The following EYS variants were observed in gnomAD, a reference collection of about 807,000 sequenced individuals.
EYS encodes protein eyes shut homolog.
In EYS, 250 loss-of-function variants were observed where a neutral mutation model predicts 282.1. The ratio of observed to expected loss-of-function variants is 0.89; its 90% confidence interval spans 0.80 to 0.98. The LOEUF is 0.98. Ranked by LOEUF, EYS falls within the 50% of genes least tolerant of loss-of-function variation. EYS has a pLI of 0.00. For synonymous variants in EYS, 1,355 were observed against 1,282.9 expected (o/e 1.06, Z -1.20); for missense variants, 4,016 against 3,709.0 (o/e 1.08, Z -2.15).
At chr6:65,329,433 C>T in intron 11 of EYS, 2 of 938,522 alleles carry the variant, frequency 2.1e-6, no homozygotes, top group South Asian at 9.9e-5. Context: ...TTTTCTAGAG[C>T]ATAATAAAGA....
chr6:65,618,927 C>A (rs1343193067), intron 2 of EYS, among the ~76,000 whole-genome samples: 6 of 152,202 alleles, frequency 3.9e-5, no homozygotes, highest in Admixed American at 3.9e-4. Flanking sequence ...TGTTTTGGTA[C>A]CAGTACCATG....
At chr6:64,365,361 G>A (rs548992250) in intron 29 of EYS, among the ~76,000 whole-genome samples, 71 of 152,082 alleles carry the variant, frequency 4.7e-4, no homozygotes, top group Admixed American at 7.9e-4. Flanking sequence ...AGACTCAAGA[G>A]AGCTCTTAGA....
intron 30 of EYS, among the ~76,000 whole-genome samples, chr6:64,234,365 G>A (rs1766519458): frequency 6.6e-6 from 1 of 151,556 alleles, no homozygotes; most frequent in South Asian, 2.1e-4. Context: ...TCACCTAAAT[G>A]TAGTTTTTGG....
At chr6:63,861,957 C>T (rs950994238) in intron 36 of EYS, among the ~76,000 whole-genome samples, 3 of 152,194 alleles carry the variant, frequency 2.0e-5, no homozygotes, top group African/African-American at 7.2e-5. Flanking sequence ...TGAATGAAGA[C>T]ATTTATGCAC....
intron 29 of EYS, among the ~76,000 whole-genome samples, chr6:64,374,941 C>T (rs1472367521): frequency 6.6e-6 from 1 of 152,118 alleles, no homozygotes; most frequent in East Asian, 1.9e-4. Flanking sequence ...CATTTCATTC[C>T]TAAAAGATTC....
chr6:65,342,937 A>G (rs1770252547), intron 10 of EYS, among the ~76,000 whole-genome samples: 2 of 151,110 alleles, frequency 1.3e-5, no homozygotes, highest in Admixed American at 1.3e-4. Flanking sequence ...TATTAAGTGT[A>G]TTATAATATG....
chr6:64,615,387 C>T (rs1359725759), intron 24 of EYS, among the ~76,000 whole-genome samples: 1 of 151,942 alleles, frequency 6.6e-6, no homozygotes, highest in Admixed American at 6.6e-5. Context: ...ATGCATTTTC[C>T]ATACCTGTAT....
intron 12 of EYS, among the ~76,000 whole-genome samples, chr6:65,112,322 C>T (rs1466119439): frequency 1.3e-5 from 2 of 151,968 alleles, no homozygotes; most frequent in African/African-American, 4.8e-5. Context: ...TATATATGAC[C>T]TACCTTTATA....
intron 22 of EYS, among the ~76,000 whole-genome samples, chr6:64,732,794 C>T (rs188506770): frequency 1.6e-4 from 25 of 152,308 alleles, no homozygotes; most frequent in African/African-American, 6.0e-4. Context: ...CTACTTAACT[C>T]CAACTGATTG....
At position 64,591,596 on chromosome 6, in the gene EYS, G is replaced by A. The variant is rs762521982; in HGVS notation, c.4271C>T (p.Thr1424Met). Reference sequence around the variant, plus strand: ...TGGAATGCTTCTAATTACTGAAGTCGTTGGGGTAGCAGATAAAGCAACAGT... The same window carrying A: ...TGGAATGCTTCTAATTACTGAAGTCATTGGGGTAGCAGATAAAGCAACAGT... The part of the protein sequence containing the change: ...CQTVALSATP[T>M]TSVIRSIPGA... Residue 1424 changes from threonine (T) to methionine (M), a missense_variant, in exon 26 of 43, where the codon ACG becomes ATG. Thr to Met is a moderately conservative substitution (Grantham distance 81). Coordinates refer to ENST00000503581, the MANE Select transcript of EYS (RefSeq NM_001142800.2). 107 of 1,551,070 alleles carry A rather than the reference G, an allele frequency of 6.9e-5. No individual in the cohort carries two copies. The highest frequency in any genetic ancestry group is 8.6e-5 in the Non-Finnish European group (99 of 1,146,718).
At chr6:65,411,252 C>T (rs1767000462) in intron 5 of EYS, among the ~76,000 whole-genome samples, 1 of 152,030 alleles carries the variant, frequency 6.6e-6, no homozygotes, top group South Asian at 2.1e-4. Context: ...TTTTATTTGG[C>T]TTCTTCCAGA....
intron 2 of EYS, among the ~76,000 whole-genome samples, chr6:65,535,148 C>A (rs906228092): frequency 1.3e-5 from 2 of 152,066 alleles, no homozygotes; most frequent in Non-Finnish European, 2.9e-5. Flanking sequence ...CCCAGGATAG[C>A]TGATGTTTTA....
At chr6:63,863,197 G>A (rs1293784946) in intron 36 of EYS, among the ~76,000 whole-genome samples, 1 of 152,172 alleles carries the variant, frequency 6.6e-6, no homozygotes, top group East Asian at 1.9e-4. Flanking sequence ...TAATGATAAA[G>A]CAAGTCCAGT....
At chr6:65,278,117 C>T (rs1768107000) in intron 12 of EYS, among the ~76,000 whole-genome samples, 1 of 129,706 alleles carries the variant, frequency 7.7e-6, no homozygotes, top group Non-Finnish European at 1.7e-5. Context: ...AGCCTGTTGG[C>T]CTGTGGACTG....
intron 2 of EYS, among the ~76,000 whole-genome samples, chr6:65,548,746 T>C (rs1443367766): frequency 6.6e-6 from 1 of 152,178 alleles, no homozygotes; most frequent in Non-Finnish European, 1.5e-5. Context: ...ATTTGCTGAG[T>C]ATTAAACCCA....
chr6:64,050,474 G>T (rs1024791612), intron 33 of EYS, among the ~76,000 whole-genome samples: 7 of 152,138 alleles, frequency 4.6e-5, no homozygotes, highest in Non-Finnish European at 1.0e-4. Flanking sequence ...TAATTAAAAT[G>T]TACTGAATCA....
At chr6:65,594,453 T>C (rs1332649645) in intron 2 of EYS, among the ~76,000 whole-genome samples, 1 of 152,104 alleles carries the variant, frequency 6.6e-6, no homozygotes, top group East Asian at 1.9e-4. Context: ...TTTGTATATC[T>C]ATGATTCAAA....
At chr6:63,992,459 A>G (rs763395063) in intron 34 of EYS, among the ~76,000 whole-genome samples, 36 of 151,794 alleles carry the variant, frequency 2.4e-4, no homozygotes, top group Non-Finnish European at 4.6e-4. Context: ...TAACATGTAC[A>G]CAATATAAAA....
chr6:65,412,497 G>A (rs550770821), intron 5 of EYS, among the ~76,000 whole-genome samples: 2 of 152,200 alleles, frequency 1.3e-5, no homozygotes, highest in African/African-American at 4.8e-5. Flanking sequence ...CCAGCATTTC[G>A]TGTTATCATT....
Sources: allele counts gnomAD v4.1 joint callset (sites outside exome capture counted in the v4.1 genomes callset), GRCh38; gene constraint gnomAD v4.1.1; transcripts MANE v1.5; gene names NCBI Gene and HGNC (gene_info 2026-07-23, HGNC 2026-07-21).